Variants in SLC2A7 observed in about 807,000 individuals in gnomAD.
SLC2A7 encodes the protein solute carrier family 2 member 7, also known as solute carrier family 2, facilitated glucose transporter member 7.
Under a neutral mutation model 50.5 loss-of-function variants are expected in SLC2A7, and 50 were observed. The ratio of observed to expected loss-of-function variants is 0.99; its 90% CI spans 0.79 to 1.25. The LOEUF is 1.25. Among genes scored for constraint, SLC2A7 ranks in the 50% most tolerant of loss-of-function variants. The pLI, the probability that SLC2A7 is intolerant of heterozygous loss-of-function variation, is 0.00. For missense variants in SLC2A7, 683 were observed against 679.1 expected (o/e 1.01, Z -0.06); for synonymous variants, 308 against 300.4 (o/e 1.03, Z -0.26).
chr1:9,017,466 C>G (rs1200979399), intron 5 of SLC2A7, among the ~76,000 whole-genome samples: 1 of 152,152 alleles, frequency 6.6e-6, no homozygotes, highest in Non-Finnish European at 1.5e-5. Context: ...TGTACAGAGG[C>G]CAAGAAGGAC....
At chr1:9,021,051 CG>C (rs1640906117) in intron 3 of SLC2A7, among the ~76,000 whole-genome samples, 1 of 152,174 alleles carries the variant, frequency 6.6e-6, no homozygotes, top group African/African-American at 2.4e-5. Flanking sequence ...TGCCTAGTCT[CG>C]GGTATGTCTT....
At chr1:8,995,646 G>A in the SLC2A7 span, among the ~76,000 whole-genome samples, 1 of 152,134 alleles carries the variant, frequency 6.6e-6, no homozygotes, top group East Asian at 1.9e-4. Flanking sequence ...TCGGGAGGCT[G>A]AGGCAGGAGA....
At chr1:9,013,452 G>T in intron 8 of SLC2A7, 73 bp downstream of exon 8, 1 of 1,345,852 alleles carries the variant, frequency 7.4e-7, no homozygotes. Context: ...AGTTCACTCT[G>T]TGGGGCTCCT....
chr1:9,007,530 C>T, intron 9 of SLC2A7, 145 bp from the exon 10 acceptor site: 2 of 713,522 alleles, frequency 2.8e-6, no homozygotes, highest in South Asian at 1.8e-5. Context: ...GCTCTGTGGG[C>T]AAGAGAGGAA....
chr1:9,014,553 C>T (rs1294059419), intron 7 of SLC2A7, 128 bp downstream of exon 7: 12 of 1,135,720 alleles, frequency 1.1e-5, no homozygotes, highest in Non-Finnish European at 1.5e-5. Context: ...TTCCTGACAT[C>T]TGGCTCTGCC....
chr1:9,005,547 G>C (rs1410324905), intron 10 of SLC2A7, among the ~76,000 whole-genome samples: 1 of 152,056 alleles, frequency 6.6e-6, no homozygotes. Context: ...CGCTTAGGTG[G>C]TGAAATGGCC....
intron 2 of SLC2A7, among the ~76,000 whole-genome samples, chr1:9,023,795 T>TA (rs1250919155): frequency 6.7e-6 from 1 of 148,260 alleles, no homozygotes; most frequent in Non-Finnish European, 1.5e-5. Flanking sequence ...TTGAGAGACT[T>TA]ACGACTTACT....
At chr1:9,011,906 C>T (rs1161775031) in intron 8 of SLC2A7, among the ~76,000 whole-genome samples, 5 of 151,850 alleles carry the variant, frequency 3.3e-5, no homozygotes, top group African/African-American at 4.8e-5. Context: ...TGTGCTATCA[C>T]GCCCGGCTAA....
At chr1:9,002,210 A>G (rs1298435804), downstream of SLC2A7, among the ~76,000 whole-genome samples, 1 of 152,164 alleles carries the variant, frequency 6.6e-6, no homozygotes, top group Non-Finnish European at 1.5e-5. Flanking sequence ...GGGAGGGGAA[A>G]GACCTGACCG....
the SLC2A7 span, among the ~76,000 whole-genome samples, chr1:8,995,217 C>T: frequency 1.4e-5 from 2 of 146,772 alleles, no homozygotes; most frequent in Admixed American, 6.7e-5. Flanking sequence ...GGGAGGCCGT[C>T]GCGGGTGGAT....
At chr1:9,009,647 G>A (rs972045273) in intron 9 of SLC2A7, among the ~76,000 whole-genome samples, 1 of 152,042 alleles carries the variant, frequency 6.6e-6, no homozygotes, top group Non-Finnish European at 1.5e-5. Flanking sequence ...TTGTAGAGAT[G>A]GGGTCTCACC....
chr1:9,007,977 C>T lies in SLC2A7; in HGVS notation c.1117-592G>A, dbSNP rs78371938. Among the ~76,000 whole-genome samples, 1,198 of 152,154 alleles carry T rather than the reference C, an allele frequency of 7.9e-3. 13 individuals carry two copies. The highest frequency in any genetic ancestry group is 0.027 in the African/African-American group (1,120 of 41,520). On this transcript the variant is annotated intron_variant, in intron 9 of 11. Transcript: ENST00000400906. ...AATACAGACCATGAGGAACCTTAGT[C>T]CCTCAGGGATCAAGCAGTGGCTGAA... is the stretch of plus-strand genomic sequence containing the variant.
At chr1:9,001,875 G>A (rs1398050735), downstream of SLC2A7, among the ~76,000 whole-genome samples, 2 of 152,156 alleles carry the variant, frequency 1.3e-5, no homozygotes, top group Admixed American at 1.3e-4. Flanking sequence ...GAAAGAAGTA[G>A]ACAGAAGAAA....
chr1:9,019,180 G>A lies in SLC2A7; in HGVS notation c.436+29C>T, dbSNP rs150442621. On this transcript the variant is annotated intron_variant, in intron 4 of 11. Transcript: ENST00000400906. ...TTGGCCAAACAGACCCTTCCCCCAA[G>A]GCTGAGCCGGAGCCTGGGCCCCAGG... 4.0e-5 allele frequency: 64 copies of A among 1,609,824 alleles called. No homozygotes were observed. In the African/African-American group the frequency reaches 5.7e-4, roughly 14 times the overall value.
intron 9 of SLC2A7, among the ~76,000 whole-genome samples, chr1:9,009,915 A>T (rs1640720521): frequency 6.6e-6 from 1 of 152,256 alleles, no homozygotes; most frequent in Admixed American, 6.5e-5. Flanking sequence ...TTCCCATGAC[A>T]GCTGGACCAT....
chr1:9,013,602 C>A lies in SLC2A7; in HGVS notation c.937G>T (p.Ala313Ser). 6.2e-7 allele frequency: 1 copy of A among 1,614,142 alleles called. No homozygotes were observed. Among genetic ancestry groups the A allele is most frequent in the Middle Eastern group, 1.7e-4 (1 of 6,054 alleles). The change falls in exon 8 of 12, where the codon GCG becomes TCG. Residue 313 changes from alanine to serine, a missense_variant. By Grantham distance (99) the Ala-to-Ser change is moderately conservative (BLOSUM62 1). Transcript: ENST00000400906. ...NYYADTIYTS[A>S]GVEAAHSQYV... ...TGGGAGTGAGCGGCCTCCACGCCCG[C>A]AGATGTGTAGATGGTGTCCGCATAG...
At chr1:9,019,177 C>A (rs760082159) in intron 4 of SLC2A7, 32 bp downstream of exon 4, 8 of 1,608,198 alleles carry the variant, frequency 5.0e-6, no homozygotes, top group Non-Finnish European at 6.8e-6. Context: ...ACCCTTCCCC[C>A]AAGGCTGAGC....
intron 3 of SLC2A7, 136 bp from the exon 4 acceptor site, chr1:9,019,469 G>A (rs1042985440): frequency 1.9e-5 from 25 of 1,282,120 alleles, no homozygotes; most frequent in Middle Eastern, 2.7e-4. Context: ...GCAGGGGGCC[G>A]TGGACTGAAT....
In SLC2A7 at chr1:9,013,971, A is replaced by C. The variant is rs150174018; in HGVS notation, c.904-336T>G. ...CTCAGATCCCAAAGAATGACTTCTT[A>C]CCTCTCACTCTGGGCCAAGCCAACC... On this transcript the variant is annotated intron_variant, in intron 7 of 11. Transcript: ENST00000400906. Among the ~76,000 whole-genome samples, 640 of 152,198 alleles carry C rather than the reference A, an allele frequency of 4.2e-3. 4 individuals are homozygous for C. Among genetic ancestry groups the C allele is most frequent in the Non-Finnish European group, 5.5e-3 (373 of 68,018 alleles).
Sources: gnomAD v4.1 joint callset for allele counts (sites outside exome capture counted in the v4.1 genomes callset) on GRCh38, gnomAD v4.1.1 for gene constraint, MANE v1.5 for transcripts, NCBI Gene and HGNC (gene_info 2026-07-23, HGNC 2026-07-21) for gene names.